GRIK4: variants seen among roughly 807,000 people sequenced by gnomAD.
GRIK4 encodes the protein glutamate ionotropic receptor kainate type subunit 4, also known as glutamate receptor ionotropic, kainate 4.
In GRIK4, 40 loss-of-function variants were observed where a neutral mutation model predicts 104.9. The observed-to-expected ratio is 0.38, with a 90% CI of 0.30 to 0.50. The LOEUF is 0.50. Among genes scored for constraint, GRIK4 ranks in the 20% least tolerant of loss-of-function variants. The probability of loss-of-function intolerance (pLI) is 0.93; values close to 1 mark genes in which losing one functional copy is unlikely to be tolerated. For synonymous variants in GRIK4, 485 were observed against 524.9 expected, an observed-to-expected ratio of 0.92 and a Z score of 1.04; for missense variants, 1,047 against 1,308.1, an observed-to-expected ratio of 0.80 and a Z score of 3.08.
chr11:120,785,280 G>A (rs1406496972), intron 3 of GRIK4, among the ~76,000 whole-genome samples: 1 of 152,214 alleles, frequency 6.6e-6, no homozygotes, highest in Non-Finnish European at 1.5e-5. Flanking sequence ...GGCTGAGCTT[G>A]CCCAGATGTA....
intron 1 of GRIK4, among the ~76,000 whole-genome samples, chr11:120,573,539 C>G (rs190662594): frequency 2.0e-5 from 3 of 152,124 alleles, no homozygotes; most frequent in Admixed American, 6.5e-5. Context: ...AGGTCCAGCT[C>G]AAATTTGTCT....
At position 120,678,944 on chromosome 11, in the gene GRIK4, T is replaced by G. The variant is rs369419553; in HGVS notation, c.82+18544T>G. Among the ~76,000 whole-genome samples, 780 of 152,034 alleles carry G rather than the reference T, an allele frequency of 5.1e-3. 7 individuals are homozygous for G. The highest frequency in any genetic ancestry group is 0.014 in the African/African-American group (578 of 41,416). ...CACCACGCCTGGCCTGGTTTTTTTT[T>G]TTTGTTTGTTTGTTTTTGTTTTTGT... is the stretch of plus-strand genomic sequence containing the variant. On this transcript the variant is annotated intron_variant, in intron 3 of 20. Coordinates refer to ENST00000527524, the MANE Select transcript of GRIK4 (RefSeq NM_014619.5).
chr11:120,519,635 C>T (rs1237361459), intron 1 of GRIK4, among the ~76,000 whole-genome samples: 2 of 152,096 alleles, frequency 1.3e-5, no homozygotes, highest in South Asian at 2.1e-4. Context: ...TTTATTATAC[C>T]CATTTTACAG....
chr11:120,878,286 T>A (rs992218549), intron 11 of GRIK4, among the ~76,000 whole-genome samples: 1 of 152,180 alleles, frequency 6.6e-6, no homozygotes, highest in Admixed American at 6.5e-5. Flanking sequence ...AGCTATGAAT[T>A]CCAGTTTAGT....
intron 3 of GRIK4, among the ~76,000 whole-genome samples, chr11:120,772,353 G>A (rs565642383): frequency 1.3e-5 from 2 of 152,308 alleles, no homozygotes; most frequent in East Asian, 1.9e-4. Flanking sequence ...TGTCTAGTGA[G>A]GGCCTGTTTC....
At chr11:120,515,865 A>G (rs1479030924) in intron 1 of GRIK4, among the ~76,000 whole-genome samples, 1 of 152,220 alleles carries the variant, frequency 6.6e-6, no homozygotes, top group East Asian at 1.9e-4. Context: ...TCAATGTAAC[A>G]TTGTATTGAC....
At chr11:120,755,641 AAATAATAAT>A (rs370369560) in intron 3 of GRIK4, among the ~76,000 whole-genome samples, 3 of 149,434 alleles carry the variant, frequency 2.0e-5, no homozygotes, top group East Asian at 1.9e-4. Flanking sequence ...CAAAGATAAT[AAATAATAAT>A]AATAATAATA....
At chr11:120,719,612 T>TCCCTTCCCCTGA (rs1327942344) in intron 3 of GRIK4, among the ~76,000 whole-genome samples, 1 of 152,156 alleles carries the variant, frequency 6.6e-6, no homozygotes, top group Non-Finnish European at 1.5e-5. Flanking sequence ...AGATCGTCAC[T>TCCCTTCCCCTGA]CCCTTCCCCT....
At chr11:120,527,471 A>T (rs1947869827) in intron 1 of GRIK4, among the ~76,000 whole-genome samples, 1 of 152,112 alleles carries the variant, frequency 6.6e-6, no homozygotes, top group South Asian at 2.1e-4. Context: ...CCAGCAGAGG[A>T]GGGGAGCAGG....
intron 1 of GRIK4, among the ~76,000 whole-genome samples, chr11:120,569,797 G>A (rs1948374649): frequency 6.6e-6 from 1 of 152,046 alleles, no homozygotes; most frequent in South Asian, 2.1e-4. Context: ...TAGCCCCTAT[G>A]TGGTGGGTGG....
At chr11:120,875,102 G>T (rs1313781391) in intron 10 of GRIK4, 37 bp from the exon 11 acceptor site, 6 of 1,303,168 alleles carry the variant, frequency 4.6e-6, no homozygotes, top group East Asian at 2.3e-5. Context: ...GTAACCTGGG[G>T]CCTGTTTGGT....
intron 1 of GRIK4, among the ~76,000 whole-genome samples, chr11:120,596,591 T>G (rs960921544): frequency 6.7e-6 from 1 of 149,796 alleles, no homozygotes; most frequent in Non-Finnish European, 1.5e-5. Flanking sequence ...GAAGTCTATA[T>G]GTAAGTCTCT....
chr11:120,658,849 C>T (rs1431946374), intron 2 of GRIK4, among the ~76,000 whole-genome samples: 6 of 145,330 alleles, frequency 4.1e-5, no homozygotes, highest in Non-Finnish European at 6.0e-5. Flanking sequence ...CCCCGGTTCA[C>T]GCCATTCTCC....
intron 1 of GRIK4, among the ~76,000 whole-genome samples, chr11:120,536,681 G>A (rs1947979875): frequency 6.6e-6 from 1 of 152,080 alleles, no homozygotes; most frequent in Admixed American, 6.5e-5. Context: ...GGAGGGAGAA[G>A]GTGGATTATC....
intron 1 of GRIK4, among the ~76,000 whole-genome samples, chr11:120,567,347 T>C (rs1948343904): frequency 6.6e-6 from 1 of 151,558 alleles, no homozygotes; most frequent in Non-Finnish European, 1.5e-5. Flanking sequence ...TTGGTAGAAA[T>C]GGGATCTCTC....
intron 1 of GRIK4, among the ~76,000 whole-genome samples, chr11:120,603,661 C>G (rs7131215): frequency 0.35 from 53,394 of 152,080 alleles, 10,749 homozygotes; most frequent in African/African-American, 0.53. Flanking sequence ...GGCATAGGGC[C>G]CAGGGCTTGG....
At chr11:120,717,161 G>A (rs1039033297) in intron 3 of GRIK4, among the ~76,000 whole-genome samples, 4 of 152,158 alleles carry the variant, frequency 2.6e-5, no homozygotes, top group Admixed American at 6.5e-5. Flanking sequence ...TGCTCATCGC[G>A]GAACTGGTTG....
chr11:120,573,269 A>G (rs930098081), intron 1 of GRIK4, among the ~76,000 whole-genome samples: 4 of 152,226 alleles, frequency 2.6e-5, no homozygotes, highest in Admixed American at 6.5e-5. Flanking sequence ...TCACCAGGAT[A>G]TAAACCTTTA....
intron 19 of GRIK4, among the ~76,000 whole-genome samples, chr11:120,980,834 C>T (rs550026787): frequency 6.6e-6 from 1 of 152,244 alleles, no homozygotes; most frequent in African/African-American, 2.4e-5. Flanking sequence ...GGGACAGCTA[C>T]TGCACTGTGT....
Sources: gnomAD v4.1 joint callset for allele counts (sites outside exome capture counted in the v4.1 genomes callset) on GRCh38, gnomAD v4.1.1 for gene constraint, MANE v1.5 for transcripts, NCBI Gene and HGNC (gene_info 2026-07-23, HGNC 2026-07-21) for gene names.